The following SV2C variants were observed in gnomAD, a reference collection of about 807,000 sequenced individuals.
SV2C encodes the protein synaptic vesicle glycoprotein 2C.
A neutral mutation model predicts 79.7 loss-of-function variants in SV2C; 49 were observed. That is an observed-to-expected ratio of 0.61 (90% CI 0.49 to 0.78). The LOEUF is 0.78. Among genes scored for constraint, SV2C ranks in the 30% least tolerant of loss-of-function variants. The pLI is 0.00. For synonymous variants in SV2C, 334 were observed against 333.2 expected, an observed-to-expected ratio of 1.00 and a Z score of -0.03; for missense variants, 833 against 912.9, an observed-to-expected ratio of 0.91 and a Z score of 1.13.
chr5:76,069,859 AACACAC>A, the SV2C span, among the ~76,000 whole-genome samples: 1 of 55,134 alleles, frequency 1.8e-5, no homozygotes, highest in African/African-American at 4.7e-5. Flanking sequence ...CACACACACA[AACACAC>A]ACACACACAC....
chr5:75,982,561 C>T, the SV2C span, among the ~76,000 whole-genome samples: 5 of 152,146 alleles, frequency 3.3e-5, no homozygotes, highest in African/African-American at 1.2e-4. Context: ...ATAGTGATTC[C>T]TCAAAGATCT....
chr5:75,891,809 G>C, the SV2C span, among the ~76,000 whole-genome samples: 1 of 152,058 alleles, frequency 6.6e-6, no homozygotes, highest in East Asian at 1.9e-4. Context: ...TTGAATTGTA[G>C]AGTAAATTTC....
chr5:76,322,452 C>T (rs1376124626), intron 12 of SV2C, among the ~76,000 whole-genome samples: 1 of 152,048 alleles, frequency 6.6e-6, no homozygotes, highest in East Asian at 1.9e-4. Context: ...GTGAAAGTGG[C>T]CATACTGCCC....
At chr5:75,975,431 A>G in the SV2C span, among the ~76,000 whole-genome samples, 1,791 of 152,312 alleles carry the variant, frequency 0.012, 13 homozygotes, top group Non-Finnish European at 0.019. Flanking sequence ...GTCTATAGAC[A>G]TATTTTATTT....
At chr5:75,905,674 C>T in the SV2C span, among the ~76,000 whole-genome samples, 1 of 152,018 alleles carries the variant, frequency 6.6e-6, no homozygotes, top group African/African-American at 2.4e-5. Context: ...TTCTCTAGCT[C>T]ACTCTATGGA....
At chr5:75,877,170 T>C in the SV2C span, among the ~76,000 whole-genome samples, 4 of 152,122 alleles carry the variant, frequency 2.6e-5, no homozygotes, top group African/African-American at 9.6e-5. Flanking sequence ...CAAAATAGAC[T>C]TTTAAAACCA....
rs886964282 is a variant in SV2C at position 76,312,543 on chromosome 5, G to A, written c.2000+10998G>A. ...GCTGGGATTACAGACATGAGCCAGC[G>A]TGCCCAGCCATTAGGGGCCATCTTT... On this transcript the variant is annotated intron_variant, in intron 12 of 12. Transcript: ENST00000502798. Among the ~76,000 whole-genome samples the A allele has an allele frequency of 4.6e-5, 7 of 152,230 alleles. No homozygotes were observed. The East Asian group carries it at 7.7e-4, about 17-fold the overall frequency.
intron 2 of SV2C, among the ~76,000 whole-genome samples, chr5:76,137,652 A>G (rs1334160138): frequency 6.6e-6 from 1 of 152,220 alleles, no homozygotes; most frequent in Non-Finnish European, 1.5e-5. Flanking sequence ...AACAGCCAGA[A>G]GTAAATTCCT....
chr5:76,308,444 A>G (rs1748286872), intron 12 of SV2C, among the ~76,000 whole-genome samples: 1 of 152,192 alleles, frequency 6.6e-6, no homozygotes, highest in Admixed American at 6.5e-5. Flanking sequence ...TTAGTTTCAC[A>G]AGGGTGGAAG....
chr5:76,038,754 C>T, the SV2C span, among the ~76,000 whole-genome samples: 8 of 152,308 alleles, frequency 5.3e-5, no homozygotes, highest in South Asian at 1.2e-3. Context: ...TTGAATTGCT[C>T]ATGAAATATC....
chr5:76,138,661 C>A (rs1455291551), intron 2 of SV2C, among the ~76,000 whole-genome samples: 3 of 152,080 alleles, frequency 2.0e-5, no homozygotes, highest in Non-Finnish European at 4.4e-5. Flanking sequence ...CTCATGGGAA[C>A]CAGGGATTTT....
chr5:75,870,115 G>A, the SV2C span, among the ~76,000 whole-genome samples: 1 of 151,954 alleles, frequency 6.6e-6, no homozygotes, highest in Non-Finnish European at 1.5e-5. Context: ...ACATCCACAA[G>A]TATCAGCACC....
chr5:76,112,395 G>GC (rs1161227452), intron 1 of SV2C, among the ~76,000 whole-genome samples: 3 of 152,162 alleles, frequency 2.0e-5, no homozygotes, highest in African/African-American at 7.2e-5. Flanking sequence ...CAGGAGAACA[G>GC]CAAGTGCAAA....
the SV2C span, among the ~76,000 whole-genome samples, chr5:75,934,302 C>CTTTTTTTTTTT: frequency 8.1e-4 from 87 of 107,820 alleles, 7 homozygotes; most frequent in African/African-American, 2.8e-3. Context: ...TTCTTTCTTT[C>CTTTTTTTTTTT]TTTTTTTTTT....
chr5:75,950,239 A>G, the SV2C span, among the ~76,000 whole-genome samples: 1 of 152,062 alleles, frequency 6.6e-6, no homozygotes, highest in East Asian at 1.9e-4. Context: ...CAAGGAGCAC[A>G]CTTTAGTAAT....
At chr5:76,233,108 A>G (rs1745482185) in intron 4 of SV2C, among the ~76,000 whole-genome samples, 1 of 141,108 alleles carries the variant, frequency 7.1e-6, no homozygotes. Flanking sequence ...ATCCTCTTTT[A>G]TTTTGTTGAG....
chr5:75,986,926 T>A, the SV2C span, among the ~76,000 whole-genome samples: 2 of 151,986 alleles, frequency 1.3e-5, no homozygotes, highest in Non-Finnish European at 2.9e-5. Flanking sequence ...ATAATAAAGA[T>A]AATGTTTTCC....
chr5:75,883,581 G>C, the SV2C span, among the ~76,000 whole-genome samples: 1 of 145,066 alleles, frequency 6.9e-6, no homozygotes, highest in Admixed American at 6.9e-5. Context: ...GTAAACTATC[G>C]CAAGAACAAA....
chr5:76,302,561 C>T (rs1365055794), intron 12 of SV2C, among the ~76,000 whole-genome samples: 5 of 138,700 alleles, frequency 3.6e-5, no homozygotes, highest in East Asian at 2.3e-4. Context: ...ACCTGGGAGG[C>T]GGAGGTTGCA....
Sources: gnomAD v4.1 joint callset for allele counts (sites outside exome capture counted in the v4.1 genomes callset) on GRCh38, gnomAD v4.1.1 for gene constraint, MANE v1.5 for transcripts, NCBI Gene and HGNC (gene_info 2026-07-23, HGNC 2026-07-21) for gene names.